Variants in TNFRSF10B observed in about 807,000 individuals in gnomAD.
TNFRSF10B encodes TNF receptor superfamily member 10b.
TNFRSF10B carries 35 observed loss-of-function variants against 41.4 expected under a neutral mutation model. The observed-to-expected ratio is 0.85, with a 90% CI of 0.65 to 1.12. The LOEUF is 1.12. TNFRSF10B is among the 50% of genes most tolerant of loss of function. TNFRSF10B has a pLI of 0.00. For missense variants in TNFRSF10B, 584 were observed against 552.7 expected (o/e 1.06, Z -0.57); for synonymous variants, 230 against 215.5 (o/e 1.07, Z -0.59).
chr8:23,046,012 T>C (rs1441017016), intron 1 of TNFRSF10B, among the ~76,000 whole-genome samples: 4 of 152,198 alleles, frequency 2.6e-5, no homozygotes, highest in African/African-American at 9.6e-5. Flanking sequence ...AGCTTTTCCT[T>C]TAATATCAGG....
intron 7 of TNFRSF10B, among the ~76,000 whole-genome samples, chr8:23,025,151 A>G (rs1234738090): frequency 6.6e-6 from 1 of 152,156 alleles, no homozygotes; most frequent in African/African-American, 2.4e-5. Flanking sequence ...GACCCATCTC[A>G]GAAAGAAAGA....
intron 3 of TNFRSF10B, among the ~76,000 whole-genome samples, chr8:23,030,158 G>C (rs1046736100): frequency 6.6e-6 from 1 of 152,136 alleles, no homozygotes; most frequent in Non-Finnish European, 1.5e-5. Flanking sequence ...CAGAGCCCAG[G>C]GGAGAGAGCC....
At chr8:23,059,548 C>T (rs1453174130) in intron 1 of TNFRSF10B, among the ~76,000 whole-genome samples, 11 of 152,084 alleles carry the variant, frequency 7.2e-5, no homozygotes, top group Admixed American at 4.6e-4. Context: ...GTTCTGTCGC[C>T]CAGGCTGGAG....
intron 1 of TNFRSF10B, 47 bp from the exon 2 acceptor site, chr8:23,043,290 C>T (rs754573842): frequency 6.7e-7 from 1 of 1,496,994 alleles, no homozygotes; most frequent in Non-Finnish European, 9.3e-7. Flanking sequence ...CCAGACCTCA[C>T]CCCTCCCAGG....
chr8:23,044,181 A>G (rs1443814315), intron 1 of TNFRSF10B, among the ~76,000 whole-genome samples: 3 of 152,204 alleles, frequency 2.0e-5, no homozygotes, highest in African/African-American at 7.2e-5. Flanking sequence ...CTCAAAATGG[A>G]TCCAAAATCT....
chr8:23,051,208 C>CTA lies in TNFRSF10B; in HGVS notation c.145-7966_145-7965insTA, dbSNP rs1423106116. 3.4e-5 allele frequency among the ~76,000 whole-genome samples: 5 copies of CTA among 148,980 alleles called. No individual in the cohort carries two copies. In the East Asian group the frequency reaches 9.8e-4, roughly 29 times the overall value. On this transcript the variant is annotated intron_variant, in intron 1 of 8. Transcript: ENST00000276431. ...ATTAAATGGCTCAAAGAAAAAAGCA[C>CTA]TTGAATAACAGAAAAAAGGAAAGAC... is the stretch of plus-strand genomic sequence containing the variant.
chr8:23,023,607 A>C (rs1811611296), intron 8 of TNFRSF10B, among the ~76,000 whole-genome samples: 1 of 152,184 alleles, frequency 6.6e-6, no homozygotes, highest in South Asian at 2.1e-4. Context: ...TCAGAGATAG[A>C]CAGGGTCAGG....
At chr8:23,045,691 A>C (rs1812337506) in intron 1 of TNFRSF10B, among the ~76,000 whole-genome samples, 1 of 152,258 alleles carries the variant, frequency 6.6e-6, no homozygotes, top group African/African-American at 2.4e-5. Context: ...ATCTTCAATA[A>C]AATACCAGTA....
At chr8:23,058,568 C>T (rs148044197) in intron 1 of TNFRSF10B, among the ~76,000 whole-genome samples, 1,891 of 152,140 alleles carry the variant, frequency 0.012, 35 homozygotes, top group African/African-American at 0.043. Flanking sequence ...TCACCACAAC[C>T]TCTGCCTCCC....
intron 1 of TNFRSF10B, among the ~76,000 whole-genome samples, chr8:23,066,609 A>G (rs1312496128): frequency 6.6e-6 from 1 of 152,182 alleles, no homozygotes; most frequent in Non-Finnish European, 1.5e-5. Flanking sequence ...AAAATCTTCC[A>G]AGTAGAACAT....
chr8:23,024,806 T>TACAG (rs1811651490), intron 7 of TNFRSF10B, among the ~76,000 whole-genome samples: 1 of 151,948 alleles, frequency 6.6e-6, no homozygotes, highest in Non-Finnish European at 1.5e-5. Context: ...GTGCTGGGAT[T>TACAG]ACAGGCGTGA....
At chr8:23,050,632 TAAAGAA>T (rs1304601130) in intron 1 of TNFRSF10B, among the ~76,000 whole-genome samples, 1 of 152,204 alleles carries the variant, frequency 6.6e-6, no homozygotes, top group Admixed American at 6.5e-5. Flanking sequence ...TCTGGGGTTT[TAAAGAA>T]AAAGTGTAAT....
chr8:23,041,314 C>G (rs1563314702), intron 2 of TNFRSF10B, among the ~76,000 whole-genome samples: 1 of 152,094 alleles, frequency 6.6e-6, no homozygotes, highest in Non-Finnish European at 1.5e-5. Context: ...ACCTTGGCCT[C>G]TCGAAGTGCT....
In TNFRSF10B at chr8:23,027,571, G is replaced by A. The variant is rs1811742239; in HGVS notation, c.780+151C>T. 7.6e-6 allele frequency: 8 copies of A among 1,052,790 alleles called. No individual in the cohort carries two copies. The East Asian group carries it at 2.0e-4, about 27-fold the overall frequency. The allele number at this position is 1,052,790 out of a possible 1,614,324, so 65.2% of individuals were successfully genotyped here. A position where few individuals can be genotyped will look rare whatever the true frequency, so the allele number is the denominator to read the frequency against. ...CCTATGTGGTGCTCAAAATGGCCAT[G>A]TGTCCCCCACAGTCAGCCCAGAGCA... On this transcript the variant is annotated intron_variant, in intron 6 of 8. Transcript: ENST00000276431.
At position 23,022,761 on chromosome 8, in the gene TNFRSF10B, CTCTCCCAGCG is replaced by C; in HGVS notation, c.1223_1232del (p.Thr408ArgfsTer13). ...CCTCAATCTTCTGCTTGGCAAGTCT[CTCTCCCAGCG>C]TCTCCAAGGCATCCAGCAGGGTGTG... On this transcript the variant is annotated frameshift_variant, in exon 9 of 9. Coordinates refer to ENST00000276431, the MANE Select transcript of TNFRSF10B (RefSeq NM_003842.5). LOFTEE classifies it low-confidence loss of function (END_TRUNC). 6.2e-7 allele frequency: 1 copy of C among 1,614,020 alleles called. No individual in the cohort carries two copies. The highest frequency in any genetic ancestry group is 8.5e-7 in the Non-Finnish European group (1 of 1,179,962).
chr8:23,067,477 C>G (rs1185322473), intron 1 of TNFRSF10B, among the ~76,000 whole-genome samples: 6 of 151,702 alleles, frequency 4.0e-5, no homozygotes, highest in Admixed American at 3.9e-4. Flanking sequence ...AGCAAACAAA[C>G]CAAATCACTG....
chr8:23,033,620 A>AAAAAAAAAAG lies in TNFRSF10B; in HGVS notation c.251-2749_251-2748insCTTTTTTTTT, dbSNP rs1563310598. Among the ~76,000 whole-genome samples, 37 of 107,754 alleles carry AAAAAAAAAAG rather than the reference A, an allele frequency of 3.4e-4. 5 individuals are homozygous for AAAAAAAAAAG. Among genetic ancestry groups the AAAAAAAAAAG allele is most frequent in the African/African-American group, 1.1e-3 (36 of 31,798 alleles). The allele number at this position is 107,754 out of a possible 152,430, so 70.7% of individuals were successfully genotyped here. A position where few individuals can be genotyped will look rare whatever the true frequency, so the allele number is the denominator to read the frequency against. ...AAAAAAAAAAAAAAAAAAAAAAAAA[A>AAAAAAAAAAG]AGAACCCTGGAAAAGGTAACTATTT... On this transcript the variant is annotated intron_variant, in intron 2 of 8. Transcript: ENST00000276431.
At chr8:23,043,024 G>A (rs1013350976) in intron 2 of TNFRSF10B, 114 bp downstream of exon 2, 9 of 931,102 alleles carry the variant, frequency 9.7e-6, no homozygotes, top group Middle Eastern at 2.1e-4. Flanking sequence ...TGAACTGGAG[G>A]CACCCAATGC....
In TNFRSF10B at chr8:23,022,328, T is replaced by G. The variant is rs1233772578; in HGVS notation, c.*343A>C. ...GTCGGACAACGACTGTGTAGATGGA[T>G]CTTACAATGTAGCCCAAATAAATAA... On this transcript the variant is annotated 3_prime_UTR_variant, in exon 9 of 9. Transcript: ENST00000276431. The G allele has an allele frequency of 1.1e-5, 5 of 467,462 alleles. No individual in the cohort carries two copies. In the Admixed American group the frequency reaches 1.2e-4, roughly 11 times the overall value. The allele number at this position is 467,462 out of a possible 1,614,324, so 29.0% of individuals were successfully genotyped here.
Sources: allele counts gnomAD v4.1 joint callset (sites outside exome capture counted in the v4.1 genomes callset), GRCh38; gene constraint gnomAD v4.1.1; transcripts MANE v1.5; gene names NCBI Gene and HGNC (gene_info 2026-07-23, HGNC 2026-07-21).